Variants in SUPT6H observed in about 807,000 individuals in gnomAD.
The protein encoded by SUPT6H is transcription elongation factor SPT6.
SUPT6H carries 11 observed loss-of-function variants against 222.3 expected under a neutral mutation model. The observed-to-expected ratio is 0.05, with a 90% confidence interval of 0.03 to 0.08. The LOEUF (loss-of-function observed/expected upper bound fraction) is 0.08, where lower values mean the gene tolerates loss of function less well. Among genes scored for constraint, SUPT6H ranks in the 10% least tolerant of loss-of-function variants. SUPT6H has a pLI of 1.00. For synonymous variants in SUPT6H, 762 were observed against 801.2 expected (o/e 0.95, Z 0.83); for missense variants, 1,422 against 2,216.0 (o/e 0.64, Z 7.19).
intron 36 of SUPT6H, 61 bp from the exon 37 acceptor site, chr17:28,701,378 T>C: frequency 6.3e-7 from 1 of 1,576,944 alleles, no homozygotes; most frequent in East Asian, 2.2e-5. Flanking sequence ...AAGGGTACAG[T>C]GATTGGTGGG....
chr17:28,684,560 A>G (rs1213711399), intron 17 of SUPT6H, 26 bp from the exon 18 acceptor site: 11 of 1,613,656 alleles, frequency 6.8e-6, no homozygotes, highest in Non-Finnish European at 8.5e-6. Context: ...TCATGTATGT[A>G]ATACCTGTTG....
chr17:28,700,726 G>C (rs905208102), intron 35 of SUPT6H: 1 of 922,916 alleles, frequency 1.1e-6, no homozygotes, highest in Non-Finnish European at 1.6e-6. Flanking sequence ...TTTGGAACCC[G>C]CAAGCCACCA....
intron 13 of SUPT6H, 180 bp downstream of exon 13, chr17:28,682,160 A>G (rs1407740387): frequency 3.9e-6 from 2 of 519,376 alleles, no homozygotes; most frequent in African/African-American, 3.8e-5. Flanking sequence ...CCCGCCCGAC[A>G]TGATGGTTCA....
intron 13 of SUPT6H, 68 bp from the exon 14 acceptor site, chr17:28,682,659 G>T: frequency 6.4e-7 from 1 of 1,573,288 alleles, no homozygotes; most frequent in Non-Finnish European, 8.6e-7. Flanking sequence ...TCCAACTCCA[G>T]ATTCTGAAAG....
At chr17:28,687,903 A>G (rs967301443) in intron 23 of SUPT6H, among the ~76,000 whole-genome samples, 188 bp from the exon 24 acceptor site, 1 of 137,892 alleles carries the variant, frequency 7.3e-6, no homozygotes. Flanking sequence ...TTTGTTTATT[A>G]TTTTCCCATT....
intron 27 of SUPT6H, among the ~76,000 whole-genome samples, chr17:28,693,019 G>A (rs1052014288): frequency 2.1e-5 from 3 of 142,924 alleles, no homozygotes; most frequent in African/African-American, 5.2e-5. Flanking sequence ...AAAAAAAAAA[G>A]ATTACCCAGA....
At chr17:28,696,135 G>A (rs993806418) in intron 29 of SUPT6H, among the ~76,000 whole-genome samples, 9 of 151,636 alleles carry the variant, frequency 5.9e-5, no homozygotes, top group Admixed American at 2.0e-4. Flanking sequence ...GTGAACCCCC[G>A]TCTCTACCAA....
At chr17:28,667,439 A>ATATG (rs1454850560) in intron 1 of SUPT6H, among the ~76,000 whole-genome samples, 6 of 119,436 alleles carry the variant, frequency 5.0e-5, no homozygotes, top group Admixed American at 9.1e-5. Context: ...ATATATATGT[A>ATATG]TGTGTGTGTG....
At chr17:28,697,830 G>A (rs1004340305) in intron 31 of SUPT6H, 76 bp from the exon 32 acceptor site, 62 of 1,607,040 alleles carry the variant, frequency 3.9e-5, no homozygotes, top group South Asian at 2.7e-4. Context: ...TGAAGGAAGT[G>A]TACATCATGT....
chr17:28,680,320 G>T (rs1441452457), intron 11 of SUPT6H, among the ~76,000 whole-genome samples: 1 of 140,322 alleles, frequency 7.1e-6, no homozygotes, highest in African/African-American at 2.7e-5. Flanking sequence ...AAGAGAGGCT[G>T]GGCGTGGTGG....
In SUPT6H at chr17:28,695,333, A is replaced by C. The variant is rs1456907971; in HGVS notation, c.3775-19A>C. ...AGATCATCTTTGTCCCTTCCAGCTC[A>C]AATGTTCTGTGGATCTAGGTGGGAA... On this transcript the variant is annotated intron_variant, in intron 28 of 36. Coordinates refer to ENST00000314616, the MANE Select transcript of SUPT6H (RefSeq NM_003170.5). 1.9e-6 allele frequency: 3 copies of C among 1,608,910 alleles called. No individual in the cohort carries two copies. Among genetic ancestry groups the C allele is most frequent in the Non-Finnish European group, 1.7e-6 (2 of 1,176,552 alleles).
intron 9 of SUPT6H, 144 bp downstream of exon 9, chr17:28,678,336 A>G: frequency 2.3e-6 from 2 of 857,216 alleles, no homozygotes; most frequent in East Asian, 2.6e-5. Flanking sequence ...CAGAGACCCT[A>G]GTGATCGTAA....
chr17:28,688,044 G>T lies in SUPT6H; in HGVS notation c.3007-47G>T, dbSNP rs369350100. 6.4e-7 allele frequency: 1 copy of T among 1,550,662 alleles called. No individual in the cohort carries two copies. The highest frequency in any genetic ancestry group is 2.3e-5 in the East Asian group (1 of 43,280). On this transcript the variant is annotated intron_variant, in intron 23 of 36. Transcript: ENST00000314616. This position sits in a 1 kb window ranked among gnomAD's most constrained non-coding sequence, Gnocchi z 4.3. ...AATAGAGACTGGAACAGTCTGGGGA[G>T]GTGGGGCCTGCTTACTGCCCTGGCT...
At chr17:28,690,047 G>A in intron 25 of SUPT6H, 35 bp from the exon 26 acceptor site, 1 of 1,592,462 alleles carries the variant, frequency 6.3e-7, no homozygotes. Flanking sequence ...TTGGGGGGCA[G>A]CTGCAAGGCT....
chr17:28,677,074 T>TA (rs1330127311), intron 7 of SUPT6H, among the ~76,000 whole-genome samples: 7 of 148,692 alleles, frequency 4.7e-5, no homozygotes, highest in Non-Finnish European at 7.4e-5. Context: ...ACTAAAAATG[T>TA]AAAAAATTAG....
At position 28,667,415 on chromosome 17, in the gene SUPT6H, A is replaced by G. The variant is rs1360756887; in HGVS notation, c.-32+5073A>G. Among the ~76,000 whole-genome samples the G allele has an allele frequency of 1.2e-4, 15 of 127,580 alleles. 1 individual carries two copies. Among genetic ancestry groups the G allele is most frequent in the African/African-American group, 1.5e-4 (5 of 32,730 alleles). The allele number at this position is 127,580 out of a possible 152,430, so 83.7% of individuals were successfully genotyped here. On this transcript the variant is annotated intron_variant, in intron 1 of 36. Transcript: ENST00000314616. ...AAAAAGTGTGTGTGTGTATATATATATATATATATATATATATATATGTAT... is the reference window on the plus strand; with the variant it reads ...AAAAAGTGTGTGTGTGTATATATATGTATATATATATATATATATATGTAT...
intron 27 of SUPT6H, among the ~76,000 whole-genome samples, chr17:28,692,075 G>T (rs528609879): frequency 1.3e-5 from 2 of 151,730 alleles, no homozygotes; most frequent in African/African-American, 4.8e-5. Context: ...TGTAATCCCA[G>T]CACTTTGGGA....
rs1225130835 is a variant in SUPT6H at position 28,683,730 on chromosome 17, C to T, written c.2143C>T (p.Arg715Trp). 13 of 1,613,974 alleles carry T rather than the reference C, an allele frequency of 8.1e-6. No individual in the cohort carries two copies. The highest frequency in any genetic ancestry group is 1.3e-5 in the African/African-American group (1 of 74,892). The change falls in exon 17 of 37, where the codon CGG becomes TGG. Residue 715 changes from arginine (R) to tryptophan (W), a missense_variant. Transcript: ENST00000314616. ...WNRQRTMAIE[R>W]ALQQFLYVQM... The stretch of plus-strand genomic sequence containing the variant: ...CCGGCAGCGCACCATGGCCATCGAA[C>T]GGGCTTTACAGCAGTTCCTCTATGT...
At chr17:28,699,236 G>A (rs1597722419) in intron 32 of SUPT6H, among the ~76,000 whole-genome samples, 1 of 152,310 alleles carries the variant, frequency 6.6e-6, no homozygotes, top group African/African-American at 2.4e-5. Flanking sequence ...CTGGACAAAT[G>A]AAGCAGAGAT....
Sources: gnomAD v4.1 joint callset for allele counts (sites outside exome capture counted in the v4.1 genomes callset) on GRCh38, gnomAD v4.1.1 for gene constraint, Gnocchi (gnomAD v3.1) non-coding constraint, MANE v1.5 for transcripts, NCBI Gene and HGNC (gene_info 2026-07-23, HGNC 2026-07-21) for gene names.